Variants in HECW2 observed in about 807,000 individuals in gnomAD.
HECW2 encodes HECT, C2 and WW domain containing E3 ubiquitin protein ligase 2.
A neutral mutation model predicts 175.2 loss-of-function variants in HECW2; 61 were observed. The ratio of observed to expected loss-of-function variants is 0.35; its 90% CI spans 0.28 to 0.43. The LOEUF (loss-of-function observed/expected upper bound fraction) is 0.43, where lower values mean the gene tolerates loss of function less well. Ranked by LOEUF, HECW2 falls within the 20% of genes least tolerant of loss-of-function variation. HECW2 has a pLI of 1.00. For synonymous variants in HECW2, 671 were observed against 731.0 expected (o/e 0.92, Z 1.32); for missense variants, 1,524 against 2,000.5 (o/e 0.76, Z 4.54).
intron 1 of HECW2, among the ~76,000 whole-genome samples, chr2:196,561,874 C>T (rs900107662): frequency 3.3e-5 from 5 of 152,140 alleles, no homozygotes; most frequent in Admixed American, 2.6e-4. Flanking sequence ...ACCCTGCACA[C>T]CTCTAAAATA....
intron 2 of HECW2, among the ~76,000 whole-genome samples, chr2:196,404,604 T>C (rs935010638): frequency 6.6e-6 from 1 of 152,132 alleles, no homozygotes; most frequent in Non-Finnish European, 1.5e-5. Context: ...TTTCCTGTCT[T>C]TTGGCACATT....
chr2:196,293,761 G>A (rs1471702873), intron 13 of HECW2, among the ~76,000 whole-genome samples: 1 of 152,158 alleles, frequency 6.6e-6, no homozygotes, highest in Non-Finnish European at 1.5e-5. Context: ...TTCTCCCCCA[G>A]TATTGGACTA....
chr2:196,502,683 G>T (rs971915255), intron 1 of HECW2, among the ~76,000 whole-genome samples: 9 of 152,040 alleles, frequency 5.9e-5, no homozygotes, highest in Admixed American at 5.9e-4. Flanking sequence ...CCACAATTAC[G>T]TGTCAGGCAT....
intron 13 of HECW2, among the ~76,000 whole-genome samples, chr2:196,300,778 A>C (rs959447676): frequency 6.6e-6 from 1 of 152,184 alleles, no homozygotes; most frequent in African/African-American, 2.4e-5. Flanking sequence ...CTACATACAC[A>C]CAAATATACA....
intron 1 of HECW2, among the ~76,000 whole-genome samples, chr2:196,513,712 G>T (rs1688041883): frequency 6.6e-6 from 1 of 152,170 alleles, no homozygotes; most frequent in South Asian, 2.1e-4. Flanking sequence ...GATTCCAATA[G>T]TCCTGGTATA....
At chr2:196,283,500 CA>C (rs1690267391) in intron 14 of HECW2, among the ~76,000 whole-genome samples, 1 of 151,542 alleles carries the variant, frequency 6.6e-6, no homozygotes, top group African/African-American at 2.4e-5. Context: ...CTCCACCTCC[CA>C]AGTAGCTGGA....
intron 20 of HECW2, among the ~76,000 whole-genome samples, chr2:196,241,529 C>CA (rs1460335183): frequency 2.0e-5 from 3 of 151,998 alleles, no homozygotes; most frequent in Admixed American, 1.3e-4. Context: ...GGGGTGAAGG[C>CA]AGGGAGGAGA....
intron 5 of HECW2, among the ~76,000 whole-genome samples, chr2:196,329,334 A>G (rs774717038): frequency 5.9e-5 from 9 of 152,172 alleles, no homozygotes; most frequent in Non-Finnish European, 1.3e-4. Flanking sequence ...TGAAGTAACT[A>G]TACATAGTTA....
At chr2:196,509,341 C>G (rs767592825) in intron 1 of HECW2, among the ~76,000 whole-genome samples, 25 of 152,242 alleles carry the variant, frequency 1.6e-4, no homozygotes, top group Middle Eastern at 3.4e-3. Context: ...GCTCACCAAA[C>G]CCAGTCTTTT....
chr2:196,575,645 C>T (rs1052529012), intron 1 of HECW2, among the ~76,000 whole-genome samples: 7 of 152,058 alleles, frequency 4.6e-5, no homozygotes, highest in African/African-American at 7.2e-5. Context: ...TAGTCCATTT[C>T]GCATTGCTAT....
At chr2:196,219,340 G>A (rs1291565010) in intron 26 of HECW2, among the ~76,000 whole-genome samples, 1 of 152,164 alleles carries the variant, frequency 6.6e-6, no homozygotes, top group African/African-American at 2.4e-5. Flanking sequence ...TTAACTCTGG[G>A]TTACCACCAG....
intron 2 of HECW2, among the ~76,000 whole-genome samples, chr2:196,366,255 A>G (rs10185496): frequency 0.14 from 21,954 of 152,192 alleles, 2,101 homozygotes; most frequent in African/African-American, 0.26. Flanking sequence ...GAGTTTAGTA[A>G]AAGTAATTAA....
intron 17 of HECW2, among the ~76,000 whole-genome samples, chr2:196,261,828 A>AC (rs1458997950): frequency 6.6e-6 from 1 of 152,234 alleles, no homozygotes; most frequent in Non-Finnish European, 1.5e-5. Flanking sequence ...AAAGTGACTA[A>AC]CGTCAACATT....
chr2:196,294,720 G>A (rs777945046), intron 13 of HECW2, among the ~76,000 whole-genome samples: 1 of 152,178 alleles, frequency 6.6e-6, no homozygotes, highest in Non-Finnish European at 1.5e-5. Flanking sequence ...GATGTGTCAT[G>A]TCCAGGTCAA....
chr2:196,378,767 A>ATAATTTT (rs1694120293), intron 2 of HECW2, among the ~76,000 whole-genome samples: 1 of 152,268 alleles, frequency 6.6e-6, no homozygotes, highest in Non-Finnish European at 1.5e-5. Context: ...TACAAAATTC[A>ATAATTTT]TAATTTTTCA....
chr2:196,203,602 T>C (rs1479072068), intron 28 of HECW2, among the ~76,000 whole-genome samples: 1 of 152,192 alleles, frequency 6.6e-6, no homozygotes, highest in Non-Finnish European at 1.5e-5. Flanking sequence ...ACCAATAAGG[T>C]TGAGCATCTT....
chr2:196,426,934 T>C (rs550329943), intron 2 of HECW2, among the ~76,000 whole-genome samples: 4 of 152,230 alleles, frequency 2.6e-5, no homozygotes, highest in Non-Finnish European at 5.9e-5. Context: ...GATGTCAAAA[T>C]ATATTACCAT....
chr2:196,380,830 T>G (rs1167537779), intron 2 of HECW2, among the ~76,000 whole-genome samples: 1 of 152,232 alleles, frequency 6.6e-6, no homozygotes, highest in Non-Finnish European at 1.5e-5. Context: ...CAAGTCATAA[T>G]AAAATGTTAC....
At chr2:196,427,463 G>A (rs753352799) in intron 2 of HECW2, among the ~76,000 whole-genome samples, 3 of 152,080 alleles carry the variant, frequency 2.0e-5, no homozygotes, top group Non-Finnish European at 4.4e-5. Flanking sequence ...AAAGGTGAAG[G>A]GGAATTAGAT....
Sources: gnomAD v4.1 joint callset for allele counts (sites outside exome capture counted in the v4.1 genomes callset) on GRCh38, gnomAD v4.1.1 for gene constraint, MANE v1.5 for transcripts, NCBI Gene and HGNC (gene_info 2026-07-23, HGNC 2026-07-21) for gene names.